The following POLR1C variants were observed in gnomAD, a reference collection of about 807,000 sequenced individuals.
POLR1C encodes DNA-directed RNA polymerases I and III subunit RPAC1.
A neutral mutation model predicts 38.3 loss-of-function variants in POLR1C; 42 were observed. The observed-to-expected ratio is 1.10, with a 90% CI of 0.86 to 1.42. The LOEUF (loss-of-function observed/expected upper bound fraction) is 1.42, where lower values mean the gene tolerates loss of function less well. POLR1C is among the 40% of genes most tolerant of loss of function. POLR1C has a pLI of 0.00. For synonymous variants in POLR1C, 163 were observed against 163.9 expected (o/e 0.99, Z 0.04); for missense variants, 507 against 450.5 (o/e 1.13, Z -1.14).
downstream of POLR1C, chr6:43,524,878 A>G (rs778473256): frequency 6.2e-7 from 1 of 1,613,914 alleles, no homozygotes. Context: ...GAAGCCATGC[A>G]CCCGTCGTGC....
chr6:43,553,324 G>GA, intron 10 of POLR1C: 1 of 1,568,600 alleles, frequency 6.4e-7, no homozygotes, highest in African/African-American at 1.4e-5. Flanking sequence ...GAAAAGAAAA[G>GA]AAAAAGGTCA....
downstream of POLR1C, among the ~76,000 whole-genome samples, chr6:43,521,828 A>G (rs550956847): frequency 1.3e-5 from 2 of 152,260 alleles, no homozygotes; most frequent in African/African-American, 4.8e-5. Flanking sequence ...CCACCGCGAA[A>G]AACAGGGGGC....
At chr6:43,531,213 G>A (rs906479856), downstream of POLR1C, among the ~76,000 whole-genome samples, 3 of 150,326 alleles carry the variant, frequency 2.0e-5, no homozygotes, top group Non-Finnish European at 4.5e-5. Flanking sequence ...TTTTAGCTTC[G>A]ACTTGGGTTT....
chr6:43,534,051 G>C (rs1317051508), downstream of POLR1C: 2 of 1,477,234 alleles, frequency 1.4e-6, no homozygotes, highest in East Asian at 4.9e-5. Flanking sequence ...ATCTGATGCA[G>C]AAGGAAAGAG....
Position 43,519,697 on chromosome 6 carries a change from C to G in POLR1C, c.250-9C>G. 2 of 1,614,078 alleles carry G rather than the reference C, an allele frequency of 1.2e-6. No homozygotes were observed. The highest frequency in any genetic ancestry group is 1.7e-6 in the Non-Finnish European group (2 of 1,180,014). Reference sequence around the variant, plus strand: ...TTTTGCAGATAAGTGGTTATTTTTCCTTGGGCAGGTGCCAACTATGGCTGT... The same window carrying G: ...TTTTGCAGATAAGTGGTTATTTTTCGTTGGGCAGGTGCCAACTATGGCTGT... On this transcript the variant is annotated splice_polypyrimidine_tract_variant and intron_variant, in intron 3 of 8. Coordinates refer to ENST00000642195, the MANE Select transcript of POLR1C (RefSeq NM_203290.4).
chr6:43,529,580 A>T (rs1960198), exon 9 of POLR1C: 28,262 of 180,898 alleles, frequency 0.16, 5,469 homozygotes, highest in African/African-American at 0.5. Flanking sequence ...AAAAGAAAGA[A>T]AGAGATTCAA....
chr6:43,522,663 C>T (rs751362694), downstream of POLR1C: 8 of 469,368 alleles, frequency 1.7e-5, no homozygotes, highest in East Asian at 5.1e-4. Flanking sequence ...CTGTGGCCCG[C>T]ACCAGCTAAA....
chr6:43,527,994 C>A (rs1793708337), intron 8 of POLR1C, among the ~76,000 whole-genome samples: 1 of 152,178 alleles, frequency 6.6e-6, no homozygotes, highest in Non-Finnish European at 1.5e-5. Context: ...AGTCTGCCTG[C>A]TGGTAACAGC....
At chr6:43,555,953 G>C (rs935917974) in intron 10 of POLR1C, 1 of 1,613,610 alleles carries the variant, frequency 6.2e-7, no homozygotes, top group Non-Finnish European at 8.5e-7. Context: ...TCTCCTTGTT[G>C]TGCTCGGGAG....
Position 43,517,183 on chromosome 6 carries a change from G to A in POLR1C, c.69+5G>A, listed in dbSNP as rs376407272. ...GGGGAGTTTGGGGTTCGCAATGTAA[G>A]CCTTGTGGCCTTGAGCTCGGGCGGG... On this transcript the variant is annotated splice_donor_5th_base_variant and intron_variant, in intron 1 of 8. Transcript: ENST00000642195. 1.6e-4 allele frequency: 265 copies of A among 1,613,902 alleles called. No individual in the cohort carries two copies. Among genetic ancestry groups the A allele is most frequent in the South Asian group, 2.2e-4 (20 of 91,076 alleles).
intron 10 of POLR1C, chr6:43,556,091 T>A: frequency 8.0e-7 from 1 of 1,256,730 alleles, no homozygotes; most frequent in Non-Finnish European, 1.1e-6. Context: ...GACTTGTGCT[T>A]TGCATGTAAT....
intron 9 of POLR1C, among the ~76,000 whole-genome samples, chr6:43,544,595 T>C (rs1794877086): frequency 6.6e-6 from 1 of 152,122 alleles, no homozygotes; most frequent in Non-Finnish European, 1.5e-5. Flanking sequence ...CACTTTCACG[T>C]TTCTCTAGCT....
downstream of POLR1C, chr6:43,524,989 T>C (rs1221715164): frequency 1.2e-6 from 2 of 1,610,836 alleles, no homozygotes; most frequent in Admixed American, 1.7e-5. Context: ...AACTGTGCTT[T>C]AGGGCCACAG....
intron 10 of POLR1C, chr6:43,551,575 T>A (rs1350214420): frequency 8.4e-7 from 1 of 1,190,072 alleles, no homozygotes; most frequent in East Asian, 2.4e-5. Context: ...TAGGCTGGAG[T>A]GCACAGTGGC....
downstream of POLR1C, among the ~76,000 whole-genome samples, chr6:43,532,537 CAT>C (rs1794049449): frequency 6.6e-6 from 1 of 152,238 alleles, no homozygotes; most frequent in South Asian, 2.1e-4. Flanking sequence ...GCTCCAGCCA[CAT>C]GATTCAACCA....
intron 9 of POLR1C, among the ~76,000 whole-genome samples, chr6:43,545,475 G>A (rs2127726033): frequency 6.6e-6 from 1 of 152,242 alleles, no homozygotes; most frequent in East Asian, 1.9e-4. Context: ...GGGAGGCCGA[G>A]GTGGACTGAT....
At chr6:43,549,864 G>A (rs751733058) in intron 9 of POLR1C, 4 of 1,592,620 alleles carry the variant, frequency 2.5e-6, no homozygotes, top group East Asian at 2.2e-5. Flanking sequence ...CAAGAAGTTA[G>A]AATCTATTGG....
downstream of POLR1C, chr6:43,525,078 G>T: frequency 6.4e-7 from 1 of 1,570,218 alleles, no homozygotes; most frequent in East Asian, 2.3e-5. Flanking sequence ...CTTCCATGAG[G>T]GGCAGGGAAA....
At chr6:43,547,459 G>T in intron 9 of POLR1C, 1 of 736,334 alleles carries the variant, frequency 1.4e-6, no homozygotes, top group Non-Finnish European at 2.4e-6. Flanking sequence ...CAAGACTAAA[G>T]AAGAAAAGAA....
Sources: allele counts gnomAD v4.1 joint callset (sites outside exome capture counted in the v4.1 genomes callset), GRCh38; gene constraint gnomAD v4.1.1; transcripts MANE v1.5; gene names NCBI Gene and HGNC (gene_info 2026-07-23, HGNC 2026-07-21).